The following EPHA3 variants were observed in gnomAD, a reference collection of about 807,000 sequenced individuals.
The protein encoded by EPHA3 is EPH receptor A3.
In EPHA3, 42 loss-of-function variants were observed where a neutral mutation model predicts 107.1. That is an observed-to-expected ratio of 0.39 (90% CI 0.31 to 0.51). EPHA3 has a LOEUF of 0.51. Among genes scored for constraint, EPHA3 ranks in the 20% least tolerant of loss-of-function variants. The probability of loss-of-function intolerance (pLI) is 0.78; values close to 1 mark genes in which losing one functional copy is unlikely to be tolerated. For missense variants in EPHA3, 1,183 were observed against 1,211.2 expected (o/e 0.98, Z 0.35); for synonymous variants, 461 against 424.8 (o/e 1.09, Z -1.05).
intron 3 of EPHA3, among the ~76,000 whole-genome samples, chr3:89,255,816 G>C (rs139657941): frequency 6.6e-6 from 1 of 151,794 alleles, no homozygotes; most frequent in Non-Finnish European, 1.5e-5. Context: ...TAGGAGAATC[G>C]CTTGAACCCA....
chr3:89,298,652 T>C lies in EPHA3; in HGVS notation c.815-42264T>C, dbSNP rs569598118. On this transcript the variant is annotated intron_variant, in intron 3 of 16. Coordinates refer to ENST00000336596, the MANE Select transcript of EPHA3 (RefSeq NM_005233.6). ...GGATTAAGTTTTGTTATGTATTAAT[T>C]CAATTAAAGGTATTTTTTGTGTTTT... Among the ~76,000 whole-genome samples the C allele has an allele frequency of 2.0e-5, 3 of 152,280 alleles. No individual in the cohort carries two copies. The South Asian group carries it at 6.2e-4, about 32-fold the overall frequency.
chr3:89,205,961 A>T (rs1216196058), intron 2 of EPHA3, among the ~76,000 whole-genome samples: 2 of 152,192 alleles, frequency 1.3e-5, no homozygotes, highest in Non-Finnish European at 2.9e-5. Flanking sequence ...CATGAGCATT[A>T]TAACAGCAGC....
intron 2 of EPHA3, among the ~76,000 whole-genome samples, chr3:89,153,928 G>T (rs934679706): frequency 6.6e-6 from 1 of 151,924 alleles, no homozygotes; most frequent in Non-Finnish European, 1.5e-5. Context: ...TTCCATCCTT[G>T]CTAGTGTCCA....
intron 1 of EPHA3, among the ~76,000 whole-genome samples, chr3:89,125,449 T>C (rs1704073231): frequency 6.6e-6 from 1 of 151,728 alleles, no homozygotes; most frequent in Admixed American, 6.6e-5. Flanking sequence ...TGAAATATAA[T>C]CTATAACATT....
intron 3 of EPHA3, among the ~76,000 whole-genome samples, chr3:89,268,078 T>C (rs1174110366): frequency 3.3e-5 from 5 of 152,108 alleles, no homozygotes; most frequent in African/African-American, 1.2e-4. Flanking sequence ...ATGGGCTTAC[T>C]GATATAGGTT....
chr3:89,468,780 T>C (rs1321247721), intron 15 of EPHA3, among the ~76,000 whole-genome samples: 3 of 152,172 alleles, frequency 2.0e-5, no homozygotes, highest in Non-Finnish European at 2.9e-5. Flanking sequence ...TGCTTGCTAG[T>C]GACAAAGACT....
chr3:89,153,023 C>T (rs1391752283), intron 2 of EPHA3, among the ~76,000 whole-genome samples: 1 of 152,004 alleles, frequency 6.6e-6, no homozygotes, highest in Non-Finnish European at 1.5e-5. Context: ...AAAACCTAAA[C>T]ATAGATTGCT....
In EPHA3 at chr3:89,262,373, G is replaced by C. The variant is rs550332340; in HGVS notation, c.814+51853G>C. 1.2e-4 allele frequency among the ~76,000 whole-genome samples: 19 copies of C among 152,212 alleles called. No individual in the cohort carries two copies. The South Asian group carries it at 3.9e-3, about 32-fold the overall frequency. On this transcript the variant is annotated intron_variant, in intron 3 of 16. Transcript: ENST00000336596. The stretch of plus-strand genomic sequence containing the variant: ...GGCCATACTCCCTCTGAGGATTCTA[G>C]GGAAAATGTTTCCTTTGCCTCTTTC...
chr3:89,352,929 A>AAAAAAAAAAAGG (rs1707864110), intron 5 of EPHA3, among the ~76,000 whole-genome samples: 8 of 149,828 alleles, frequency 5.3e-5, no homozygotes, highest in African/African-American at 2.0e-4. Context: ...AAAAAGGAAA[A>AAAAAAAAAAAGG]AGAAAGAAAG....
intron 5 of EPHA3, among the ~76,000 whole-genome samples, chr3:89,342,896 A>ACAC (rs1559654817): frequency 1.5e-5 from 2 of 130,630 alleles, no homozygotes; most frequent in African/African-American, 6.3e-5. Flanking sequence ...CACACACACA[A>ACAC]ACATTGGAGC....
intron 3 of EPHA3, among the ~76,000 whole-genome samples, chr3:89,338,953 G>T (rs1419780565): frequency 3.3e-5 from 5 of 152,130 alleles, no homozygotes; most frequent in Non-Finnish European, 7.4e-5. Flanking sequence ...GGTAGCTACA[G>T]TTAATAAACC....
intron 10 of EPHA3, among the ~76,000 whole-genome samples, chr3:89,415,493 A>ATATATATATATAT (rs1559687639): frequency 6.5e-4 from 61 of 93,416 alleles, no homozygotes; most frequent in African/African-American, 2.1e-3. Flanking sequence ...TATATATATA[A>ATATATATATATAT]GCTAATTCTC....
chr3:89,402,470 G>GA (rs1011692049), intron 7 of EPHA3, among the ~76,000 whole-genome samples: 42 of 151,884 alleles, frequency 2.8e-4, no homozygotes, highest in African/African-American at 8.2e-4. Flanking sequence ...ATATAAATGA[G>GA]AAAAAAATGC....
chr3:89,375,958 A>C (rs1222242194), intron 5 of EPHA3, among the ~76,000 whole-genome samples: 1 of 151,982 alleles, frequency 6.6e-6, no homozygotes. Flanking sequence ...GGCAGGCGAC[A>C]CATCTGCCTT....
chr3:89,122,937 T>G (rs1351407057), intron 1 of EPHA3, among the ~76,000 whole-genome samples: 1 of 152,178 alleles, frequency 6.6e-6, no homozygotes, highest in East Asian at 1.9e-4. Flanking sequence ...GGAGTGGACT[T>G]TTGATTGAGT....
chr3:89,176,626 A>T (rs1022338679), intron 2 of EPHA3, among the ~76,000 whole-genome samples: 1 of 152,112 alleles, frequency 6.6e-6, no homozygotes, highest in African/African-American at 2.4e-5. Context: ...TGTCTCACAG[A>T]GTTGCTGTGT....
chr3:89,399,792 G>A (rs1384884473), intron 7 of EPHA3: 1 of 1,119,126 alleles, frequency 8.9e-7, no homozygotes, highest in Non-Finnish European at 1.1e-6. Context: ...CACTTCCAGT[G>A]TCTGTCATTT....
chr3:89,121,239 A>T (rs989410930), intron 1 of EPHA3, among the ~76,000 whole-genome samples: 115 of 151,210 alleles, frequency 7.6e-4, no homozygotes, highest in Non-Finnish European at 1.3e-3. Flanking sequence ...CCGTCTCAAA[A>T]AAATAAATAA....
At chr3:89,261,852 C>T (rs1423400331) in intron 3 of EPHA3, among the ~76,000 whole-genome samples, 3 of 150,032 alleles carry the variant, frequency 2.0e-5, no homozygotes, top group Non-Finnish European at 4.4e-5. Context: ...CGGTTTTTGC[C>T]ATACTTTTAA....
Sources: gnomAD v4.1 joint callset for allele counts (sites outside exome capture counted in the v4.1 genomes callset) on GRCh38, gnomAD v4.1.1 for gene constraint, MANE v1.5 for transcripts, NCBI Gene and HGNC (gene_info 2026-07-23, HGNC 2026-07-21) for gene names.